The following PRKCZ variants were observed in gnomAD, a reference collection of about 807,000 sequenced individuals.
The protein encoded by PRKCZ is protein kinase C zeta, also known as protein kinase C zeta type.
A neutral mutation model predicts 79.5 loss-of-function variants in PRKCZ; 33 were observed. That is an observed-to-expected ratio of 0.41 (90% CI 0.31 to 0.55). The LOEUF is 0.55. PRKCZ is among the 20% of genes least tolerant of loss of function. PRKCZ has a pLI of 0.19. For synonymous variants in PRKCZ, 342 were observed against 320.9 expected, an observed-to-expected ratio of 1.07 and a Z score of -0.70; for missense variants, 578 against 813.5, an observed-to-expected ratio of 0.71 and a Z score of 3.52.
intron 4 of PRKCZ, among the ~76,000 whole-genome samples, chr1:2,096,112 A>G (rs917206995): frequency 6.6e-6 from 1 of 151,386 alleles, no homozygotes; most frequent in African/African-American, 2.4e-5. Flanking sequence ...CTGCCTAGGA[A>G]GGCAGTCAAG....
chr1:2,145,910 C>T (rs1431167729), intron 6 of PRKCZ, 117 bp from the exon 7 acceptor site: 3 of 819,874 alleles, frequency 3.7e-6, no homozygotes, highest in African/African-American at 1.7e-5. Flanking sequence ...CAGACTGTGA[C>T]CCTGTCTGTA....
At chr1:2,067,057 T>G (rs1037796425) in intron 4 of PRKCZ, among the ~76,000 whole-genome samples, 4 of 152,266 alleles carry the variant, frequency 2.6e-5, no homozygotes, top group African/African-American at 9.6e-5. Context: ...TAGTGTTATT[T>G]CCATATATTT....
At chr1:2,074,807 A>AGGGATGTG (rs1314703826) in intron 4 of PRKCZ, 1 of 155,568 alleles carries the variant, frequency 6.4e-6, no homozygotes, top group African/African-American at 2.4e-5. Context: ...GGTGTTTGGC[A>AGGGATGTG]GGGATGTGGG....
At chr1:2,050,823 G>A (rs1659570142) in intron 1 of PRKCZ, 122 bp downstream of exon 1, 2 of 621,412 alleles carry the variant, frequency 3.2e-6, no homozygotes, top group South Asian at 8.0e-5. Context: ...CTGCGGGCCC[G>A]GGGCTGTCGC....
chr1:2,163,383 C>T (rs1039106363), intron 10 of PRKCZ, among the ~76,000 whole-genome samples: 2 of 152,238 alleles, frequency 1.3e-5, no homozygotes, highest in African/African-American at 4.8e-5. Flanking sequence ...CGGACCCTCC[C>T]AGTTCCTGGG....
In PRKCZ at chr1:2,090,739, C is replaced by T. The variant is rs538212708; in HGVS notation, c.334+31148C>T. On this transcript the variant is annotated intron_variant, in intron 4 of 17. Transcript: ENST00000378567. The stretch of plus-strand genomic sequence containing the variant: ...CTGGGAGCGGCAGCCGGGGGCGTCT[C>T]GGAGAGAGCCAGTGCAGGGGGGACC... 1.6e-4 allele frequency among the ~76,000 whole-genome samples: 24 copies of T among 152,342 alleles called. 1 individual carries two copies. Among genetic ancestry groups the T allele is most frequent in the African/African-American group, 3.8e-4 (16 of 41,582 alleles).
intron 4 of PRKCZ, among the ~76,000 whole-genome samples, chr1:2,133,117 G>T (rs1412482008): frequency 6.6e-6 from 1 of 152,192 alleles, no homozygotes; most frequent in Non-Finnish European, 1.5e-5. Context: ...TTTACTGATT[G>T]AACTCGAAGG....
chr1:2,077,053 G>A (rs1662557704), intron 4 of PRKCZ, among the ~76,000 whole-genome samples: 1 of 152,316 alleles, frequency 6.6e-6, no homozygotes, highest in East Asian at 1.9e-4. Flanking sequence ...CCTGAGAGAG[G>A]ATCAGAGTCA....
At position 2,146,675 on chromosome 1, in the gene PRKCZ, G is replaced by T. The variant is rs560884098; in HGVS notation, c.634+567G>T. 2.0e-5 allele frequency among the ~76,000 whole-genome samples: 3 copies of T among 152,318 alleles called. No homozygotes were observed. The East Asian group carries it at 5.8e-4, about 29-fold the overall frequency. On this transcript the variant is annotated intron_variant, in intron 7 of 17. Transcript: ENST00000378567. ...TTTGAGCCTCCACACCTGCACCTCT[G>T]CACGGGGGTGTGAGAGCCTCACTTT...
At chr1:2,171,791 G>T (rs1404972318) in intron 11 of PRKCZ, 14 of 460,770 alleles carry the variant, frequency 3.0e-5, no homozygotes, top group Non-Finnish European at 4.6e-5. Flanking sequence ...TTATTTGCCC[G>T]CTCCTCCCCT....
chr1:2,116,870 G>A (rs1670853564), intron 4 of PRKCZ, among the ~76,000 whole-genome samples: 1 of 152,188 alleles, frequency 6.6e-6, no homozygotes, highest in African/African-American at 2.4e-5. Flanking sequence ...TTCTTGATCA[G>A]TATGGGAGAT....
chr1:2,074,212 G>A, intron 4 of PRKCZ: 1 of 1,550,510 alleles, frequency 6.4e-7, no homozygotes, highest in Non-Finnish European at 8.7e-7. Flanking sequence ...AAATAAGGCT[G>A]TGGAGGGACC....
intron 4 of PRKCZ, among the ~76,000 whole-genome samples, chr1:2,124,853 G>C (rs954145982): frequency 1.3e-5 from 2 of 152,112 alleles, no homozygotes; most frequent in Non-Finnish European, 2.9e-5. Context: ...CACTTGTCTG[G>C]TCTCGGATGC....
At chr1:2,163,305 G>A (rs1423000255) in intron 10 of PRKCZ, among the ~76,000 whole-genome samples, 3 of 152,246 alleles carry the variant, frequency 2.0e-5, no homozygotes, top group Non-Finnish European at 2.9e-5. Context: ...GGCTCTGCCT[G>A]CAGCCGTGGA....
intron 4 of PRKCZ, among the ~76,000 whole-genome samples, chr1:2,106,641 CTGGTGGG>C (rs1465843512): frequency 9.5e-5 from 11 of 115,736 alleles, no homozygotes; most frequent in African/African-American, 4.3e-4. Context: ...GCAAGCCCCT[CTGGTGGG>C]CGAGGACCTC....
chr1:2,113,410 C>T (rs956243470), intron 4 of PRKCZ, among the ~76,000 whole-genome samples: 15 of 152,062 alleles, frequency 9.9e-5, no homozygotes, highest in Non-Finnish European at 2.2e-4. Flanking sequence ...GGGGCTCATC[C>T]GGGGCATTCA....
intron 4 of PRKCZ, among the ~76,000 whole-genome samples, chr1:2,100,135 T>C (rs1213093396): frequency 6.6e-6 from 1 of 152,212 alleles, no homozygotes; most frequent in Non-Finnish European, 1.5e-5. Context: ...CAGCTCAGTC[T>C]CGGCCCTGCT....
At chr1:2,144,709 G>A in intron 6 of PRKCZ, 2 of 925,944 alleles carry the variant, frequency 2.2e-6, no homozygotes, top group Non-Finnish European at 1.3e-6. Flanking sequence ...TGGGCACGCT[G>A]AGGCTCCGAA....
At chr1:2,170,087 C>G (rs1684124662) in intron 11 of PRKCZ, among the ~76,000 whole-genome samples, 1 of 152,180 alleles carries the variant, frequency 6.6e-6, no homozygotes, top group African/African-American at 2.4e-5. Flanking sequence ...CATGGTGGCT[C>G]TGCCCTGGTT....
Sources: gnomAD v4.1 joint callset for allele counts (sites outside exome capture counted in the v4.1 genomes callset) on GRCh38, gnomAD v4.1.1 for gene constraint, MANE v1.5 for transcripts, NCBI Gene and HGNC (gene_info 2026-07-23, HGNC 2026-07-21) for gene names.